The following NCL variants were observed in gnomAD, a reference collection of about 807,000 sequenced individuals.
NCL encodes nucleolin multifunctional protein.
A neutral mutation model predicts 77.7 loss-of-function variants in NCL; 4 were observed. The observed-to-expected ratio is 0.05, with a 90% CI of 0.03 to 0.12. NCL has a LOEUF of 0.12. Among genes scored for constraint, NCL ranks in the 10% least tolerant of loss-of-function variants. The pLI is 1.00. For synonymous variants in NCL, 344 were observed against 297.8 expected (o/e 1.16, Z -1.60); for missense variants, 763 against 860.9 (o/e 0.89, Z 1.42).
At chr2:231,464,292 G>C (rs2046979758) in intron 1 of NCL, 44 bp downstream of exon 1, 1 of 1,561,626 alleles carries the variant, frequency 6.4e-7, no homozygotes, top group Non-Finnish European at 8.7e-7. Flanking sequence ...TCGCCCCTCG[G>C]AAAGCAGGCC....
At chr2:231,455,714 A>C (rs938941781) in intron 12 of NCL, 90 bp from the exon 13 acceptor site, 90 of 1,432,334 alleles carry the variant, frequency 6.3e-5, no homozygotes, top group Middle Eastern at 3.5e-4. Context: ...CATCCCACAG[A>C]AAGTAGCCTT....
intron 1 of NCL, chr2:231,463,620 A>C: frequency 2.9e-6 from 1 of 345,306 alleles, no homozygotes; most frequent in Non-Finnish European, 5.3e-6. Flanking sequence ...AATACTACAA[A>C]TCCCGGTACT....
chr2:231,455,311 G>T (rs369739908), intron 13 of NCL, 44 bp from the exon 14 acceptor site: 58 of 1,613,534 alleles, frequency 3.6e-5, no homozygotes, highest in Non-Finnish European at 4.8e-5. Flanking sequence ...TGGGTACAAA[G>T]CTCCTCCTCC....
chr2:231,460,090 TA>T, intron 6 of NCL, 61 bp downstream of exon 6: 2 of 1,527,750 alleles, frequency 1.3e-6, no homozygotes, highest in South Asian at 2.5e-5. Flanking sequence ...GTAACTGTGC[TA>T]ACAGGGGAAG....
In NCL at chr2:231,462,995, T is replaced by C. The variant is rs1000589059; in HGVS notation, c.135+205A>G. 7.5e-6 allele frequency: 4 copies of C among 535,188 alleles called. No homozygotes were observed. The African/African-American group carries it at 7.7e-5, about 10-fold the overall frequency. 33.2% of individuals were successfully genotyped at this position (535,188 alleles called of 1,614,324 possible). On this transcript the variant is annotated intron_variant, in intron 2 of 13. Transcript: ENST00000322723. The stretch of plus-strand genomic sequence containing the variant: ...CCTGCAGAGGAACATGTAAAAGAAA[T>C]TCCCAGATCTCGTCTTACACTCACA...
Position 231,464,468 on chromosome 2 carries a change from A to T in NCL, c.-115T>A. The T allele has an allele frequency of 7.1e-7, 1 of 1,418,048 alleles. No individual in the cohort carries two copies. The highest frequency in any genetic ancestry group is 9.7e-7 in the Non-Finnish European group (1 of 1,027,132). The allele number at this position is 1,418,048 out of a possible 1,614,324, so 87.8% of individuals were successfully genotyped here. On this transcript the variant is annotated 5_prime_UTR_variant, in exon 1 of 14. Transcript: ENST00000322723. ...CCCGGAGCACGTACACCCGAAGGCC[A>T]GCGAGAGCTCGAGACTGAGGCGAAA...
chr2:231,462,024 AAT>A lies in NCL; in HGVS notation c.136-9_136-8del. ...TCTTCTGAGGTATGACGACCTTGAG[AAT>A]AAATGAAAACCAAACCAGTAAGTCC... On this transcript the variant is annotated splice_polypyrimidine_tract_variant and splice_region_variant and intron_variant, in intron 2 of 13. Coordinates refer to ENST00000322723, the MANE Select transcript of NCL (RefSeq NM_005381.3). The A allele has an allele frequency of 6.2e-7, 1 of 1,613,386 alleles. No homozygotes were observed. The highest frequency in any genetic ancestry group is 1.1e-5 in the South Asian group (1 of 91,072).
chr2:231,455,969 C>A, intron 12 of NCL, 41 bp downstream of exon 12: 4 of 1,613,986 alleles, frequency 2.5e-6, no homozygotes, highest in Non-Finnish European at 3.4e-6. Context: ...AGAACAAAAA[C>A]CCCTTCAAGT....
chr2:231,456,874 T>G (rs2046894080), intron 10 of NCL, 110 bp from the exon 11 acceptor site: 3 of 1,554,610 alleles, frequency 1.9e-6, no homozygotes, highest in Non-Finnish European at 2.6e-6. Context: ...ATGATGATCT[T>G]TATTTTACAC....
In NCL at chr2:231,456,773, G is replaced by C. The variant is rs2046892790; in HGVS notation, c.1572-9C>G. On this transcript the variant is annotated splice_polypyrimidine_tract_variant and intron_variant, in intron 10 of 13. Coordinates refer to ENST00000322723, the MANE Select transcript of NCL (RefSeq NM_005381.3). ...ACTCTATAAATGCATACCTGAGGAT[G>C]AACAGTTAATGCTTAGAGTAAGTTA... The C allele has an allele frequency of 6.2e-7, 1 of 1,613,888 alleles. No individual in the cohort carries two copies. The highest frequency in any genetic ancestry group is 8.5e-7 in the Non-Finnish European group (1 of 1,179,964).
chr2:231,460,033 T>A, intron 6 of NCL, 119 bp downstream of exon 6: 1 of 1,176,590 alleles, frequency 8.5e-7, no homozygotes, highest in Non-Finnish European at 1.2e-6. Context: ...CTAATGCTAA[T>A]CCTTGAAGAT....
In NCL at chr2:231,460,788, T is replaced by C. The variant is rs771658819; in HGVS notation, c.692A>G (p.Asn231Ser). 1 of 1,614,182 alleles carries C rather than the reference T, an allele frequency of 6.2e-7. No individual in the cohort carries two copies. The highest frequency in any genetic ancestry group is 1.1e-5 in the South Asian group (1 of 91,082). The stretch of plus-strand genomic sequence containing the variant: ...TTCTTCATCTTCATCCTCAGCCACG[T>C]TCTTGGCTTTCACAGGAACAACTTT... ...AAKVVPVKAK[N>S]VAEDEDEEED... The change falls in exon 4 of 14, where the codon AAC becomes AGC. Residue 231 changes from asparagine to serine, a missense_variant. By Grantham distance (46) the Asn-to-Ser change is conservative. Coordinates refer to ENST00000322723, the MANE Select transcript of NCL (RefSeq NM_005381.3).
Position 231,462,185 on chromosome 2 carries a change from G to A in NCL, c.136-168C>T, listed in dbSNP as rs183454716. ...GCTTCTGTTATGTTGTCTTAAGTCAGAGCCCCTATCATAAGGTGAATACCC... is the reference window on the plus strand; with the variant it reads ...GCTTCTGTTATGTTGTCTTAAGTCAAAGCCCCTATCATAAGGTGAATACCC... On this transcript the variant is annotated intron_variant, in intron 2 of 13. Coordinates refer to ENST00000322723, the MANE Select transcript of NCL (RefSeq NM_005381.3). 13 of 918,360 alleles carry A rather than the reference G, an allele frequency of 1.4e-5. No homozygotes were observed. In the Admixed American group the frequency reaches 2.5e-4, roughly 17 times the overall value. 56.9% of individuals were successfully genotyped at this position (918,360 alleles called of 1,614,324 possible).
chr2:231,463,431 T>C (rs904246943), intron 1 of NCL, 115 bp from the exon 2 acceptor site: 5 of 761,416 alleles, frequency 6.6e-6, no homozygotes, highest in Admixed American at 2.3e-5. Flanking sequence ...TTTCTCATAG[T>C]GCCAAACACC....
rs754147010 is a variant in NCL, at chr2:231,457,813, G to A, written c.1290-13C>T. 9.5e-6 allele frequency: 15 copies of A among 1,583,848 alleles called. No homozygotes were observed. Among genetic ancestry groups the A allele is most frequent in the Admixed American group, 1.8e-5 (1 of 55,852 alleles). On this transcript the variant is annotated splice_polypyrimidine_tract_variant and intron_variant, in intron 8 of 13. Coordinates refer to ENST00000322723, the MANE Select transcript of NCL (RefSeq NM_005381.3). ...AATATAAGCAATCCTGCAATGGAGG[G>A]AGAAGAACTCATGGTTTTTAAAACC...
intron 7 of NCL, 114 bp downstream of exon 7, chr2:231,458,887 G>A (rs2046919361): frequency 1.7e-6 from 2 of 1,208,918 alleles, no homozygotes; most frequent in South Asian, 2.0e-5. Flanking sequence ...GGAAACCAAA[G>A]GAAAAAAATG....
At chr2:231,464,234 G>C (rs2046979024) in intron 1 of NCL, 102 bp downstream of exon 1, 9 of 1,506,568 alleles carry the variant, frequency 6.0e-6, no homozygotes, top group East Asian at 5.0e-5. Context: ...TGGCGCCCTA[G>C]AACGCGCCCG....
intron 6 of NCL, among the ~76,000 whole-genome samples, 160 bp from the exon 7 acceptor site, chr2:231,459,285 T>C (rs932472907): frequency 6.6e-6 from 1 of 152,196 alleles, no homozygotes; most frequent in Non-Finnish European, 1.5e-5. Context: ...AAACTGCAGC[T>C]ACAGAACAAG....
At chr2:231,460,334 TA>T in intron 5 of NCL, 41 bp from the exon 6 acceptor site, 1 of 1,613,936 alleles carries the variant, frequency 6.2e-7, no homozygotes, top group African/African-American at 1.3e-5. Context: ...TGTAGTGTGG[TA>T]AAAAGTTAGT....
Sources: allele counts gnomAD v4.1 joint callset (sites outside exome capture counted in the v4.1 genomes callset), GRCh38; gene constraint gnomAD v4.1.1; transcripts MANE v1.5; gene names NCBI Gene and HGNC (gene_info 2026-07-23, HGNC 2026-07-21).